Variants in LRP1B observed in about 807,000 individuals in gnomAD.
LRP1B encodes low-density lipoprotein receptor-related protein 1B.
A neutral mutation model predicts 556.6 loss-of-function variants in LRP1B; 217 were observed. The observed-to-expected ratio is 0.39, with a 90% confidence interval of 0.35 to 0.44. The LOEUF (loss-of-function observed/expected upper bound fraction) is 0.44, where lower values mean the gene tolerates loss of function less well. Among genes scored for constraint, LRP1B ranks in the 20% least tolerant of loss-of-function variants. The probability of loss-of-function intolerance (pLI) is 1.00; values close to 1 mark genes in which losing one functional copy is unlikely to be tolerated. For missense variants in LRP1B, 5,053 were observed against 5,620.8 expected, an observed-to-expected ratio of 0.90 and a Z score of 3.23; for synonymous variants, 2,047 against 1,865.8, an observed-to-expected ratio of 1.10 and a Z score of -2.50.
chr2:140,551,337 C>A (rs1313254656), intron 43 of LRP1B, among the ~76,000 whole-genome samples: 2 of 151,974 alleles, frequency 1.3e-5, no homozygotes, highest in African/African-American at 2.4e-5. Context: ...GGCAAATAAG[C>A]AAAGAGGAGG....
chr2:141,330,254 T>G (rs1238924049), intron 3 of LRP1B, among the ~76,000 whole-genome samples: 3 of 152,174 alleles, frequency 2.0e-5, no homozygotes, highest in Non-Finnish European at 4.4e-5. Context: ...CCCAATTACA[T>G]TTTTAAAAAT....
intron 3 of LRP1B, among the ~76,000 whole-genome samples, chr2:141,436,099 T>C (rs1356371965): frequency 6.6e-6 from 1 of 152,194 alleles, no homozygotes; most frequent in Non-Finnish European, 1.5e-5. Context: ...TAGTAAAATG[T>C]CTATTTATTT....
At chr2:140,317,024 A>ATAC (rs1234850546) in intron 82 of LRP1B, among the ~76,000 whole-genome samples, 2 of 152,136 alleles carry the variant, frequency 1.3e-5, no homozygotes, top group Non-Finnish European at 2.9e-5. Flanking sequence ...CTCCGGCGGA[A>ATAC]TACCATCTAG....
Position 140,845,125 on chromosome 2 carries a change from AAAAC to A in LRP1B, c.4940-4037_4940-4034del, listed in dbSNP as rs530647152. ...TTTTTTTCTGTCCTTTCACTGGCAAAAAACAAACAAACAAACAAACAAAAACACA... is the reference window on the plus strand; with the variant it reads ...TTTTTTTCTGTCCTTTCACTGGCAAAAAACAAACAAACAAACAAAAACACA... On this transcript the variant is annotated intron_variant, in intron 29 of 90. Coordinates refer to ENST00000389484, the MANE Select transcript of LRP1B (RefSeq NM_018557.3). Among the ~76,000 whole-genome samples, 574 of 152,236 alleles carry A rather than the reference AAAAC, an allele frequency of 3.8e-3. 1 individual carries two copies. Among genetic ancestry groups the A allele is most frequent in the Non-Finnish European group, 6.2e-3 (422 of 67,994 alleles).
At chr2:140,874,226 G>A (rs1043270200) in intron 25 of LRP1B, among the ~76,000 whole-genome samples, 1 of 152,190 alleles carries the variant, frequency 6.6e-6, no homozygotes, top group South Asian at 2.1e-4. Context: ...TAAATAATTG[G>A]TTAGAACAGT....
rs557974537 is a variant in LRP1B at position 141,261,824 on chromosome 2, G to T, written c.344-7183C>A. ...ACATTTGAGTTGTTTCCAGTTTGGA[G>T]TTACTATGCATTAAGTCTCTATAAA... On this transcript the variant is annotated intron_variant, in intron 3 of 90. Coordinates refer to ENST00000389484, the MANE Select transcript of LRP1B (RefSeq NM_018557.3). Among the ~76,000 whole-genome samples the T allele has an allele frequency of 3.3e-5, 5 of 152,154 alleles. No homozygotes were observed. The South Asian group carries it at 1.0e-3, about 32-fold the overall frequency.
chr2:140,473,695 TAAC>T (rs1184113349), intron 60 of LRP1B, among the ~76,000 whole-genome samples: 1 of 151,868 alleles, frequency 6.6e-6, no homozygotes, highest in Non-Finnish European at 1.5e-5. Context: ...ACCTACCTAA[TAAC>T]AATATATATA....
chr2:141,019,483 G>A (rs1373825991), intron 12 of LRP1B, among the ~76,000 whole-genome samples: 1 of 152,000 alleles, frequency 6.6e-6, no homozygotes. Context: ...ATTATTGTAA[G>A]GGTTACAAAA....
intron 2 of LRP1B, among the ~76,000 whole-genome samples, chr2:141,506,987 G>A (rs547365427): frequency 6.6e-6 from 1 of 152,044 alleles, no homozygotes; most frequent in Non-Finnish European, 1.5e-5. Flanking sequence ...CTATACAAAG[G>A]TGATGCTTAT....
intron 15 of LRP1B, among the ~76,000 whole-genome samples, chr2:141,001,321 T>A (rs1484477904): frequency 0.056 from 19 of 342 alleles, no homozygotes; most frequent in South Asian, 0.5. Flanking sequence ...GCTGTCCATC[T>A]TTTTTTTTTG....
At chr2:140,642,532 G>A (rs1237277055) in intron 41 of LRP1B, among the ~76,000 whole-genome samples, 1 of 152,054 alleles carries the variant, frequency 6.6e-6, no homozygotes, top group East Asian at 1.9e-4. Flanking sequence ...ATGTACCCCA[G>A]TACACCTCAC....
chr2:141,047,742 C>G (rs995992693), intron 11 of LRP1B, among the ~76,000 whole-genome samples: 4 of 152,164 alleles, frequency 2.6e-5, no homozygotes, highest in African/African-American at 9.6e-5. Flanking sequence ...GTAAAGGAAC[C>G]TCCAGCAGCT....
intron 32 of LRP1B, among the ~76,000 whole-genome samples, chr2:140,798,879 A>T (rs1306484049): frequency 6.6e-6 from 1 of 152,130 alleles, no homozygotes; most frequent in Non-Finnish European, 1.5e-5. Flanking sequence ...TTTGACCGTG[A>T]TCAATCCAGT....
intron 35 of LRP1B, among the ~76,000 whole-genome samples, chr2:140,724,578 A>G (rs1274836800): frequency 5.3e-5 from 8 of 152,178 alleles, no homozygotes; most frequent in African/African-American, 1.7e-4. Context: ...TTTCTTCATA[A>G]ACTTCAGATT....
chr2:140,799,927 C>T (rs1016255072), intron 32 of LRP1B, among the ~76,000 whole-genome samples: 2 of 151,926 alleles, frequency 1.3e-5, no homozygotes, highest in Non-Finnish European at 2.9e-5. Context: ...GTGGGTGCAG[C>T]CCACCGAGCA....
At chr2:142,026,300 T>C (rs1228157082) in intron 1 of LRP1B, among the ~76,000 whole-genome samples, 1 of 152,026 alleles carries the variant, frequency 6.6e-6, no homozygotes, top group Non-Finnish European at 1.5e-5. Context: ...AGTTGCACCA[T>C]TTTTCTCTCT....
At chr2:140,588,028 T>C (rs1682057206) in intron 43 of LRP1B, among the ~76,000 whole-genome samples, 1 of 151,870 alleles carries the variant, frequency 6.6e-6, no homozygotes, top group South Asian at 2.1e-4. Flanking sequence ...CAGTCTCAGA[T>C]GAAAGGAAAT....
intron 43 of LRP1B, among the ~76,000 whole-genome samples, chr2:140,575,705 T>C (rs564646319): frequency 9.7e-4 from 147 of 151,990 alleles, no homozygotes; most frequent in African/African-American, 2.9e-3. Flanking sequence ...GGGAGGATCA[T>C]GAGGTCAGGA....
At chr2:141,411,635 C>T (rs564594162) in intron 3 of LRP1B, among the ~76,000 whole-genome samples, 26 of 151,974 alleles carry the variant, frequency 1.7e-4, no homozygotes, top group Non-Finnish European at 3.2e-4. Flanking sequence ...TGAAAATGTG[C>T]GTGCGTGTGT....
Sources: gnomAD v4.1 joint callset for allele counts (sites outside exome capture counted in the v4.1 genomes callset) on GRCh38, gnomAD v4.1.1 for gene constraint, MANE v1.5 for transcripts, NCBI Gene and HGNC (gene_info 2026-07-23, HGNC 2026-07-21) for gene names.